Variants in GREB1L observed in about 807,000 individuals in gnomAD.
The protein encoded by GREB1L is GREB1 like retinoic acid receptor coactivator.
In GREB1L, 17 loss-of-function variants were observed where a neutral mutation model predicts 200.8. The ratio of observed to expected loss-of-function variants is 0.08; its 90% CI spans 0.06 to 0.13. The LOEUF (loss-of-function observed/expected upper bound fraction) is 0.13. Ranked by LOEUF, GREB1L falls within the 10% of genes least tolerant of loss-of-function variation. The pLI, the probability that GREB1L is intolerant of heterozygous loss-of-function variation, is 1.00. For synonymous variants in GREB1L, 789 were observed against 893.0 expected (o/e 0.88, Z 2.08); for missense variants, 1,657 against 2,367.7 (o/e 0.70, Z 6.23).
intron 7 of GREB1L, among the ~76,000 whole-genome samples, chr18:21,411,648 T>C (rs552958454): frequency 5.3e-5 from 8 of 152,362 alleles, no homozygotes; most frequent in Admixed American, 5.2e-4. Flanking sequence ...TACTCCATTC[T>C]AGGGAACTTT....
At chr18:21,281,858 GGTGT>G (rs1316079597) in intron 1 of GREB1L, among the ~76,000 whole-genome samples, 1 of 152,046 alleles carries the variant, frequency 6.6e-6, no homozygotes, top group African/African-American at 2.4e-5. Flanking sequence ...ACCTACAATG[GGTGT>G]GTTTTATGGT....
rs1464710704 is a variant in GREB1L at position 21,401,202 on chromosome 18, G to A, written c.585G>A (p.Thr195=). Residue 195 remains threonine (T), a synonymous_variant, in exon 6 of 33, where the codon ACG becomes ACA. Transcript: ENST00000424526. ...GCGERGFRYF[T]EFSNHINLKL... ...GAGAAAGAGGATTTCGATATTTCAC[G>A]GAATTTTCCAACCACATTAACTTGA... 9 of 1,551,396 alleles carry A rather than the reference G, an allele frequency of 5.8e-6. No individual in the cohort carries two copies. Among genetic ancestry groups the A allele is most frequent in the South Asian group, 2.4e-5 (2 of 84,048 alleles).
chr18:21,307,503 G>A (rs2038719211), intron 1 of GREB1L, among the ~76,000 whole-genome samples: 1 of 152,190 alleles, frequency 6.6e-6, no homozygotes, highest in South Asian at 2.1e-4. Flanking sequence ...GAGTTTAAAA[G>A]TGATTCTTTC....
chr18:21,297,375 G>T (rs764990794), intron 1 of GREB1L, among the ~76,000 whole-genome samples: 9 of 152,218 alleles, frequency 5.9e-5, no homozygotes, highest in Middle Eastern at 3.4e-3. Context: ...AGTCTCCTCT[G>T]GTTATCTCTT....
At chr18:21,267,160 C>T (rs1348363502) in intron 1 of GREB1L, among the ~76,000 whole-genome samples, 1 of 149,370 alleles carries the variant, frequency 6.7e-6, no homozygotes, top group Non-Finnish European at 1.5e-5. Context: ...TCTCAAACTC[C>T]TGGCCTCGTG....
chr18:21,468,777 G>T (rs2035368680), intron 15 of GREB1L: 1 of 456,408 alleles, frequency 2.2e-6, no homozygotes, highest in Non-Finnish European at 4.4e-6. Flanking sequence ...TTCATCTCCT[G>T]CAATCTATGA....
intron 15 of GREB1L, among the ~76,000 whole-genome samples, chr18:21,464,868 G>A (rs963401503): frequency 2.0e-5 from 3 of 152,110 alleles, no homozygotes; most frequent in African/African-American, 7.2e-5. Context: ...AAAAAATAAT[G>A]TCATGAAAGA....
intron 1 of GREB1L, among the ~76,000 whole-genome samples, chr18:21,257,211 G>T (rs1483104415): frequency 1.3e-5 from 2 of 151,898 alleles, no homozygotes; most frequent in Non-Finnish European, 2.9e-5. Flanking sequence ...CTGGTGATCC[G>T]CCCGCCTCGG....
At chr18:21,383,954 TC>T (rs1382861902) in intron 3 of GREB1L, among the ~76,000 whole-genome samples, 1 of 152,078 alleles carries the variant, frequency 6.6e-6, no homozygotes, top group Non-Finnish European at 1.5e-5. Flanking sequence ...GACCTCGTGA[TC>T]CGCCCGCCTC....
chr18:21,491,052 C>A (rs1235440569), intron 19 of GREB1L, among the ~76,000 whole-genome samples: 1 of 152,168 alleles, frequency 6.6e-6, no homozygotes, highest in Non-Finnish European at 1.5e-5. Flanking sequence ...AGGAGTAGAA[C>A]CCTCAGCCAA....
chr18:21,375,682 A>G (rs1347776776), intron 2 of GREB1L, among the ~76,000 whole-genome samples: 1 of 152,130 alleles, frequency 6.6e-6, no homozygotes, highest in Non-Finnish European at 1.5e-5. Context: ...TCTGAGCCAA[A>G]CTGATTTGGT....
rs546184281 is a variant in GREB1L, at chr18:21,289,387, C to CA, written c.-120+47001dup. Among the ~76,000 whole-genome samples, 219 of 151,668 alleles carry CA rather than the reference C, an allele frequency of 1.4e-3. 1 individual carries two copies. The highest frequency in any genetic ancestry group is 4.9e-3 in the African/African-American group (203 of 41,344). On this transcript the variant is annotated intron_variant, in intron 1 of 32. Transcript: ENST00000424526. ...CAATGTAAGAGAGACCTCCTCTCTC[C>CA]AAAAAAACATTTTTTTTAATTAGCA... is the stretch of plus-strand genomic sequence containing the variant.
intron 1 of GREB1L, among the ~76,000 whole-genome samples, chr18:21,333,112 A>G (rs769883429): frequency 7.2e-5 from 11 of 151,994 alleles, no homozygotes; most frequent in Non-Finnish European, 1.5e-4. Flanking sequence ...GCGCGCGCAC[A>G]TACGGTCTCT....
intron 7 of GREB1L, among the ~76,000 whole-genome samples, chr18:21,436,028 A>C (rs16941838): frequency 0.011 from 1,605 of 152,230 alleles, 33 homozygotes; most frequent in African/African-American, 0.036. Context: ...TAGCTGATTA[A>C]CGTGAGCATC....
intron 7 of GREB1L, among the ~76,000 whole-genome samples, chr18:21,426,829 G>A (rs181517011): frequency 4.9e-4 from 75 of 151,780 alleles, no homozygotes; most frequent in African/African-American, 1.7e-3. Context: ...CATGGTGGCA[G>A]GCACCTGTAG....
intron 7 of GREB1L, among the ~76,000 whole-genome samples, chr18:21,419,744 C>A (rs1408271112): frequency 2.0e-5 from 3 of 152,176 alleles, no homozygotes; most frequent in African/African-American, 7.2e-5. Flanking sequence ...CCACTGTGCC[C>A]ACCCACAACT....
chr18:21,381,086 CA>C (rs1347379133), intron 2 of GREB1L, among the ~76,000 whole-genome samples: 1 of 152,140 alleles, frequency 6.6e-6, no homozygotes, highest in Admixed American at 6.6e-5. Flanking sequence ...ACTAAAAATA[CA>C]AAAAATTAGC....
intron 1 of GREB1L, among the ~76,000 whole-genome samples, chr18:21,352,599 A>G (rs2039449906): frequency 6.6e-6 from 1 of 151,798 alleles, no homozygotes; most frequent in Admixed American, 6.6e-5. Context: ...ATGCTTGGCT[A>G]ATTTTTATAT....
At chr18:21,310,238 G>A (rs943564422) in intron 1 of GREB1L, among the ~76,000 whole-genome samples, 4 of 152,120 alleles carry the variant, frequency 2.6e-5, no homozygotes, top group African/African-American at 9.7e-5. Flanking sequence ...AGAGAAGAGA[G>A]GACCGATGAA....
Sources: allele counts gnomAD v4.1 joint callset (sites outside exome capture counted in the v4.1 genomes callset), GRCh38; gene constraint gnomAD v4.1.1; transcripts MANE v1.5; gene names NCBI Gene and HGNC (gene_info 2026-07-23, HGNC 2026-07-21).